The following TMEM198 variants were observed in gnomAD, a reference collection of about 807,000 sequenced individuals.
TMEM198 encodes transmembrane protein 198.
In TMEM198, 21 loss-of-function variants were observed where a neutral mutation model predicts 31.5. The observed-to-expected ratio is 0.67, with a 90% CI of 0.47 to 0.96. TMEM198 has a LOEUF of 0.96. TMEM198 is among the 40% of genes least tolerant of loss of function. The probability of loss-of-function intolerance (pLI) is 0.00; values close to 1 mark genes in which losing one functional copy is unlikely to be tolerated. For missense variants in TMEM198, 447 were observed against 499.4 expected (o/e 0.89, Z 1.00); for synonymous variants, 211 against 223.3 (o/e 0.95, Z 0.49).
chr2:219,546,778 CTTTT>C (rs397987890), intron 2 of TMEM198, among the ~76,000 whole-genome samples: 5 of 127,282 alleles, frequency 3.9e-5, no homozygotes, highest in African/African-American at 6.1e-5. Context: ...TCTCAAGTTT[CTTTT>C]TTTTTTTTTT....
In TMEM198 at chr2:219,549,792, G is replaced by A; in HGVS notation, c.1021G>A (p.Asp341Asn). Residue 341 changes from aspartate to asparagine, a missense_variant, in exon 5 of 5, where the codon GAC (aspartate) becomes AAC (asparagine). By Grantham distance (23) the Asp-to-Asn change is conservative. Transcript: ENST00000373883. ...CTTCATGGCCTCACCCACAGATGCG[G>A]ACTATGAGTATGGGTCCCGGGGACC... ...SSFMASPTDA[D>N]YEYGSRGPLT... 1 of 1,614,136 alleles carries A rather than the reference G, an allele frequency of 6.2e-7. No homozygotes were observed. Among genetic ancestry groups the A allele is most frequent in the Non-Finnish European group, 8.5e-7 (1 of 1,180,028 alleles).
chr2:219,548,090 G>A lies in TMEM198; in HGVS notation c.742+9G>A. ...GGACTCCCACACGGAAGGTAAGGGGGCACAGGCCAAGGTGGACATGAGAGG... is the reference window on the plus strand; with the variant it reads ...GGACTCCCACACGGAAGGTAAGGGGACACAGGCCAAGGTGGACATGAGAGG... On this transcript the variant is annotated intron_variant, in intron 3 of 4. Coordinates refer to ENST00000373883, the MANE Select transcript of TMEM198 (RefSeq NM_001005209.3). The A allele has an allele frequency of 1.3e-6, 2 of 1,531,534 alleles. No individual in the cohort carries two copies. Among genetic ancestry groups the A allele is most frequent in the Non-Finnish European group, 1.8e-6 (2 of 1,139,638 alleles). 94.9% of individuals were successfully genotyped at this position (1,531,534 alleles called of 1,614,324 possible). A position where few individuals can be genotyped will look rare whatever the true frequency, so the allele number is the denominator to read the frequency against.
chr2:219,547,955 CG>C lies in TMEM198; in HGVS notation c.619del (p.Ala207LeufsTer23). 6.3e-7 allele frequency: 1 copy of C among 1,590,156 alleles called. No homozygotes were observed. Among genetic ancestry groups the C allele is most frequent in the Non-Finnish European group, 8.5e-7 (1 of 1,174,138 alleles). ...GGGGCGCTACGTGGTGGAGCGACTC[CG>C]GGCTGCTCCTGTGCCCCCACTCTGC... ...LLGRYVVERL[R>X]AAPVPPLCWR... On this transcript the variant is annotated frameshift_variant, in exon 3 of 5. Transcript: ENST00000373883. LOFTEE classifies it high-confidence loss of function.
chr2:219,547,472 T>G (rs750476702), intron 2 of TMEM198, 34 bp from the exon 3 acceptor site: 4 of 1,395,442 alleles, frequency 2.9e-6, no homozygotes, highest in Admixed American at 2.7e-5. Context: ...GGTGCCCTCA[T>G]CTTGGCCCCT....
At chr2:219,544,013 T>C (rs1360932306), upstream of TMEM198, 5 of 356,502 alleles carry the variant, frequency 1.4e-5, no homozygotes, top group Non-Finnish European at 2.8e-5. Flanking sequence ...GCCTGGATGG[T>C]GCGCCCTGAG....
Position 219,544,796 on chromosome 2 carries a change from T to G in TMEM198, c.69T>G (p.Gly23=), listed in dbSNP as rs1324138451. 6.2e-7 allele frequency: 1 copy of G among 1,614,204 alleles called. No homozygotes were observed. The highest frequency in any genetic ancestry group is 2.2e-5 in the East Asian group (1 of 44,884). Residue 23 remains glycine, a synonymous_variant, in exon 2 of 5, where the codon GGT becomes GGG. Transcript: ENST00000373883. ...CTGAGCCAGATGATGCCTTCTGGGG[T>G]GCACCTTGTGAACAGCCCCTGGAGC... ...LPPEPDDAFW[G]APCEQPLERR...
At chr2:219,549,090 A>C (rs12996671) in intron 3 of TMEM198, 62 bp from the exon 4 acceptor site, 2 of 1,585,352 alleles carry the variant, frequency 1.3e-6, no homozygotes, top group South Asian at 2.2e-5. Context: ...TGAGAGAGGG[A>C]GGGCTCAAGG....
intron 3 of TMEM198, among the ~76,000 whole-genome samples, chr2:219,548,732 G>A (rs1695449889): frequency 6.6e-6 from 1 of 152,176 alleles, no homozygotes; most frequent in South Asian, 2.1e-4. Flanking sequence ...AACCACTGGA[G>A]AGTTTAAAGT....
chr2:219,548,806 T>C (rs977318794), intron 3 of TMEM198, among the ~76,000 whole-genome samples: 3 of 152,120 alleles, frequency 2.0e-5, no homozygotes, highest in Non-Finnish European at 2.9e-5. Flanking sequence ...GTAGAAAGCA[T>C]TGGAGGGAGC....
intron 4 of TMEM198, 143 bp from the exon 5 acceptor site, chr2:219,549,574 T>C (rs1327847043): frequency 1.5e-5 from 20 of 1,327,024 alleles, no homozygotes; most frequent in African/African-American, 3.0e-5. Context: ...AAGTGGGATA[T>C]GGTATGTGGT....
intron 2 of TMEM198, among the ~76,000 whole-genome samples, chr2:219,546,161 A>G (rs1695384691): frequency 6.6e-6 from 1 of 151,444 alleles, no homozygotes; most frequent in African/African-American, 2.4e-5. Flanking sequence ...GGACTCTCAT[A>G]CTTCCCCCCA....
intron 1 of TMEM198, 87 bp from the exon 2 acceptor site, chr2:219,544,602 C>T (rs1358567627): frequency 9.3e-7 from 1 of 1,080,402 alleles, no homozygotes; most frequent in African/African-American, 1.6e-5. Flanking sequence ...TGTCCACTGT[C>T]CTTGCTGAGT....
chr2:219,544,579 G>A (rs1166644570), intron 1 of TMEM198, 110 bp from the exon 2 acceptor site: 10 of 837,660 alleles, frequency 1.2e-5, no homozygotes, highest in Non-Finnish European at 1.9e-6. Flanking sequence ...CACAAATGTG[G>A]ATACTATTCC....
intron 4 of TMEM198, 136 bp downstream of exon 4, chr2:219,549,490 G>A (rs1695488849): frequency 3.9e-6 from 5 of 1,277,908 alleles, no homozygotes; most frequent in South Asian, 3.1e-5. Flanking sequence ...CCATGCATCG[G>A]AGCCCATGCA....
rs148432380 is a variant in TMEM198, at chr2:219,545,950, GT to G, written c.166+1059del. ...TGCCCCCCGCAAGGGTTCAGGACAC[GT>G]TCTGGGCCTCCAAGGATTCTGTATC... On this transcript the variant is annotated intron_variant, in intron 2 of 4. Coordinates refer to ENST00000373883, the MANE Select transcript of TMEM198 (RefSeq NM_001005209.3). Among the ~76,000 whole-genome samples, 1,043 of 152,260 alleles carry G rather than the reference GT, an allele frequency of 6.9e-3. 13 individuals carry two copies. Among genetic ancestry groups the G allele is most frequent in the African/African-American group, 0.024 (991 of 41,522 alleles).
Position 219,549,178 on chromosome 2 carries a change from G to T in TMEM198, c.769G>T (p.Val257Leu). ...GGTCATCAGCCGGCAGCGCCGACGCGTGCAACTGATGCGGATTCGGCAGCA... is the reference window on the plus strand; with the variant it reads ...GGTCATCAGCCGGCAGCGCCGACGCTTGCAACTGATGCGGATTCGGCAGCA... The part of the protein sequence containing the change: ...EVVISRQRRR[V>L]QLMRIRQQED... The change falls in exon 4 of 5, where the codon GTG becomes TTG. Residue 257 changes from valine (V) to leucine (L), a missense_variant. Physicochemically the swap from Val to Leu is conservative, Grantham distance 32 (BLOSUM62 1). Coordinates refer to ENST00000373883, the MANE Select transcript of TMEM198 (RefSeq NM_001005209.3). 1 of 1,613,972 alleles carries T rather than the reference G, an allele frequency of 6.2e-7. No homozygotes were observed. Among genetic ancestry groups the T allele is most frequent in the East Asian group, 2.2e-5 (1 of 44,874 alleles).
At chr2:219,543,680 C>T (rs2105989663), upstream of TMEM198, 1 of 540,324 alleles carries the variant, frequency 1.9e-6, no homozygotes. Context: ...CAGAGCAGAG[C>T]CAGCGGCCCG....
rs370450722 is a variant in TMEM198 at position 219,544,718 on chromosome 2, T to C, written c.-10T>C. 3.0e-5 allele frequency: 48 copies of C among 1,612,544 alleles called. No individual in the cohort carries two copies. In the African/African-American group the frequency reaches 5.6e-4, roughly 19 times the overall value. ...ACTTGGGAGGGTGACTCCCTTCTAT[T>C]CCCAGCACTATGCCGGGGACTGTGG... On this transcript the variant is annotated 5_prime_UTR_variant, in exon 2 of 5. Transcript: ENST00000373883.
At chr2:219,547,258 C>G (rs531886874) in intron 2 of TMEM198, 30 of 393,552 alleles carry the variant, frequency 7.6e-5, no homozygotes, top group Non-Finnish European at 1.2e-4. Context: ...TCAAATACAT[C>G]AACCCTCATG....
Sources: gnomAD v4.1 joint callset for allele counts (sites outside exome capture counted in the v4.1 genomes callset) on GRCh38, gnomAD v4.1.1 for gene constraint, MANE v1.5 for transcripts, NCBI Gene and HGNC (gene_info 2026-07-23, HGNC 2026-07-21) for gene names.